The following KIF2C variants were observed in gnomAD, a reference collection of about 807,000 sequenced individuals.
KIF2C encodes kinesin-like protein KIF2C.
Under a neutral mutation model 97.4 loss-of-function variants are expected in KIF2C, and 34 were observed. The ratio of observed to expected loss-of-function variants is 0.35; its 90% confidence interval spans 0.27 to 0.46. The LOEUF is 0.46. Ranked by LOEUF, KIF2C falls within the 20% of genes least tolerant of loss-of-function variation. KIF2C has a pLI of 1.00. For missense variants in KIF2C, 750 were observed against 907.6 expected, an observed-to-expected ratio of 0.83 and a Z score of 2.23; for synonymous variants, 313 against 318.2, an observed-to-expected ratio of 0.98 and a Z score of 0.17.
At chr1:44,747,292 A>G (rs1164593083) in intron 2 of KIF2C, 92 bp from the exon 3 acceptor site, 13 of 1,052,560 alleles carry the variant, frequency 1.2e-5, no homozygotes, top group Non-Finnish European at 1.6e-5. Flanking sequence ...TGGGCGACAG[A>G]GCGATACTCT....
chr1:44,747,279 G>C, intron 2 of KIF2C, 105 bp from the exon 3 acceptor site: 1 of 928,212 alleles, frequency 1.1e-6, no homozygotes, highest in Non-Finnish European at 1.7e-6. Context: ...CTGCCCTCCA[G>C]CCTGGGCGAC....
chr1:44,747,669 C>T lies in KIF2C; in HGVS notation c.285C>T (p.Ser95=), dbSNP rs1181947563. ...TTTTTCAGAAACAAAAACGGAGATC[C>T]GTCAACTCCAAAATTCCTGCTCCAA... The part of the protein sequence containing the change: ...NVTIQKQKRR[S]VNSKIPAPKE... Residue 95 remains serine, a synonymous_variant, in exon 4 of 21, where the codon TCC becomes TCT. Transcript: ENST00000372224. The T allele has an allele frequency of 5.0e-6, 8 of 1,613,688 alleles. No individual in the cohort carries two copies. The highest frequency in any genetic ancestry group is 1.6e-4 in the Middle Eastern group (1 of 6,084).
chr1:44,764,493 TTTTGTTTGTTTG>T (rs763744086), intron 19 of KIF2C, among the ~76,000 whole-genome samples: 3 of 145,954 alleles, frequency 2.1e-5, no homozygotes, highest in South Asian at 2.2e-4. Context: ...TCTGGTTGGT[TTTTGTTTGTTTG>T]TTTGTTTGTT....
chr1:44,741,658 C>G lies in KIF2C; in HGVS notation c.165+651C>G, dbSNP rs766372193. On this transcript the variant is annotated intron_variant, in intron 2 of 20. Coordinates refer to ENST00000372224, the MANE Select transcript of KIF2C (RefSeq NM_006845.4). ...CATGATCGAGCCACTGCACTCTGGC[C>G]TGGGCGACAGAGTGAGACCTTTCCT... 2.8e-4 allele frequency among the ~76,000 whole-genome samples: 43 copies of G among 152,026 alleles called. 1 individual carries two copies. The highest frequency in any genetic ancestry group is 1.0e-4 in the Non-Finnish European group (7 of 68,004).
Position 44,739,925 on chromosome 1 carries a change from C to T in KIF2C, c.-8C>T. The T allele has an allele frequency of 1.2e-6, 2 of 1,613,716 alleles. No individual in the cohort carries two copies. Among genetic ancestry groups the T allele is most frequent in the Non-Finnish European group, 1.7e-6 (2 of 1,179,570 alleles). ...ATTGCGCGTTTCTCTTCCTTGCTGA[C>T]TCTCCGAATGGCCATGGACTCGTCG... On this transcript the variant is annotated 5_prime_UTR_variant, in exon 1 of 21. Coordinates refer to ENST00000372224, the MANE Select transcript of KIF2C (RefSeq NM_006845.4).
In KIF2C at chr1:44,739,996, A is replaced by G. The variant is rs1406654285; in HGVS notation, c.64A>G (p.Ser22Gly). ...CGGTCTCGCTATCAAGATCCAACGC[A>G]GTAATGGTGAGGAGCGGGGTCCCTA... ...FPGLAIKIQR[S>G]NGLIHSANVR... Residue 22 changes from serine (S) to glycine (G), a missense_variant, in exon 1 of 21, where the codon AGT becomes GGT. Ser to Gly is a moderately conservative substitution (Grantham distance 56). Transcript: ENST00000372224. 2 of 1,614,180 alleles carry G rather than the reference A, an allele frequency of 1.2e-6. No individual in the cohort carries two copies. Among genetic ancestry groups the G allele is most frequent in the Admixed American group, 3.3e-5 (2 of 60,020 alleles).
chr1:44,747,732 G>A, intron 4 of KIF2C, 32 bp downstream of exon 4: 2 of 1,593,604 alleles, frequency 1.3e-6, no homozygotes, highest in Non-Finnish European at 1.7e-6. Context: ...TACTATCATG[G>A]AATTTGTGTC....
At chr1:44,758,857 T>C (rs1649985584) in intron 13 of KIF2C, among the ~76,000 whole-genome samples, 1 of 151,970 alleles carries the variant, frequency 6.6e-6, no homozygotes, top group South Asian at 2.1e-4. Flanking sequence ...GCCTGGGCGA[T>C]ACGAGCGAAA....
At position 44,754,680 on chromosome 1, in the gene KIF2C, C is replaced by T; in HGVS notation, c.664-70C>T. 3.3e-6 allele frequency: 3 copies of T among 896,372 alleles called. No individual in the cohort carries two copies. In the South Asian group the frequency reaches 3.9e-5, roughly 12 times the overall value. 55.5% of individuals were successfully genotyped at this position (896,372 alleles called of 1,614,324 possible). A position where few individuals can be genotyped will look rare whatever the true frequency, so the allele number is the denominator to read the frequency against. ...GGTGGTGAGCAAAGAGCTGTTGCTG[C>T]TGCCGCATAGGGGTCTGAGAGCACT... On this transcript the variant is annotated intron_variant, in intron 7 of 20. Transcript: ENST00000372224.
chr1:44,745,526 TG>T (rs1309522529), intron 2 of KIF2C, among the ~76,000 whole-genome samples: 1 of 132,544 alleles, frequency 7.5e-6, no homozygotes, highest in Non-Finnish European at 1.5e-5. Flanking sequence ...CAGGCTGGAG[TG>T]TGATGGCGCT....
In KIF2C at chr1:44,754,793, T is replaced by C. The variant is rs77351914; in HGVS notation, c.707T>C (p.Ile236Thr). The C allele has an allele frequency of 4.3e-6, 7 of 1,613,734 alleles. No individual in the cohort carries two copies. In the East Asian group the frequency reaches 1.6e-4, roughly 36 times the overall value. The change falls in exon 8 of 21, where the codon ATT becomes ACT. Residue 236 changes from isoleucine to threonine, a missense_variant. Ile to Thr is a moderately conservative substitution (Grantham distance 89). Coordinates refer to ENST00000372224, the MANE Select transcript of KIF2C (RefSeq NM_006845.4). ...CCAAACTGGGAATTTGCCCGAATGATTAAAGAATTTCGGGCTACTTTGGAA... is the reference window on the plus strand; with the variant it reads ...CCAAACTGGGAATTTGCCCGAATGACTAAAGAATTTCGGGCTACTTTGGAA... ...SFPNWEFARM[I>T]KEFRATLECH...
In KIF2C at chr1:44,767,537, G is replaced by C. The variant is rs1650538329; in HGVS notation, c.*358G>C. On this transcript the variant is annotated 3_prime_UTR_variant, in exon 21 of 21. Coordinates refer to ENST00000372224, the MANE Select transcript of KIF2C (RefSeq NM_006845.4). ...GCTCCCTGGGGTTGTCCTGGCTCTG[G>C]GGAGAGAGACGGAGCCTTTAGTACA... is the stretch of plus-strand genomic sequence containing the variant. The C allele has an allele frequency of 4.3e-6, 1 of 234,060 alleles. No homozygotes were observed. The highest frequency in any genetic ancestry group is 5.7e-5 in the South Asian group (1 of 17,590). The allele number at this position is 234,060 out of a possible 1,614,324, so 14.5% of individuals were successfully genotyped here. A position where few individuals can be genotyped will look rare whatever the true frequency, so the allele number is the denominator to read the frequency against.
rs989152585 is a variant in KIF2C, at chr1:44,767,471, T to C, written c.*292T>C. On this transcript the variant is annotated 3_prime_UTR_variant, in exon 21 of 21. Transcript: ENST00000372224. ...GGAATGTTCTCAGCATAGAGCTTTC[T>C]CCGCAGCATCCTGCCTGCGTGGACT... The C allele has an allele frequency of 3.1e-6, 1 of 324,794 alleles. No homozygotes were observed. Among genetic ancestry groups the C allele is most frequent in the African/African-American group, 2.1e-5 (1 of 46,818 alleles). 20.1% of individuals were successfully genotyped at this position (324,794 alleles called of 1,614,324 possible). A position where few individuals can be genotyped will look rare whatever the true frequency, so the allele number is the denominator to read the frequency against.
chr1:44,759,255 G>C lies in KIF2C; in HGVS notation c.1274G>C (p.Gly425Ala). 6.2e-7 allele frequency: 1 copy of C among 1,614,174 alleles called. No homozygotes were observed. Residue 425 changes from glycine (G) to alanine (A), a missense_variant, in exon 14 of 21, where the codon GGC becomes GCC. By Grantham distance (60) the Gly-to-Ala change is moderately conservative. Transcript: ENST00000372224. Reference sequence around the variant, plus strand: ...GCCAAGCTGCGCGTGCTGGAGGACGGCAAGCAACAGGTGCAAGTGGTGGGG... The same window carrying C: ...GCCAAGCTGCGCGTGCTGGAGGACGCCAAGCAACAGGTGCAAGTGGTGGGG... The part of the protein sequence containing the change: ...KKAKLRVLED[G>A]KQQVQVVGLQ...
At chr1:44,741,379 CAAAA>C (rs764626810) in intron 2 of KIF2C, among the ~76,000 whole-genome samples, 2 of 58,490 alleles carry the variant, frequency 3.4e-5, no homozygotes, top group African/African-American at 6.3e-5. Flanking sequence ...GAATCTGTCT[CAAAA>C]AAAAAAAAAA....
Position 44,757,933 on chromosome 1 carries a change from A to G in KIF2C, c.1094A>G (p.Lys365Arg), listed in dbSNP as rs750532139. The G allele has an allele frequency of 2.5e-6, 4 of 1,614,198 alleles. No homozygotes were observed. Among genetic ancestry groups the G allele is most frequent in the African/African-American group, 2.7e-5 (2 of 75,058 alleles). Residue 365 changes from lysine (K) to arginine (R), a missense_variant, in exon 12 of 21, where the codon AAA (lysine) becomes AGA (arginine). By Grantham distance (26) the Lys-to-Arg change is conservative (BLOSUM62 2). Coordinates refer to ENST00000372224, the MANE Select transcript of KIF2C (RefSeq NM_006845.4). ...ACTATGGGCGGAGACCTCTCTGGGA[A>G]AGCCCAGAATGCATCCAAAGGGATC... ...THTMGGDLSG[K>R]AQNASKGIYA... is the part of the protein sequence containing the mutation.
At chr1:44,740,123 AC>A in intron 1 of KIF2C, 121 bp downstream of exon 1, 3 of 1,170,516 alleles carry the variant, frequency 2.6e-6, no homozygotes, top group Non-Finnish European at 2.6e-6. Flanking sequence ...TCCTTTTCAC[AC>A]GCACTCACTC....
intron 19 of KIF2C, among the ~76,000 whole-genome samples, chr1:44,764,177 C>A (rs60766209): frequency 0.19 from 29,448 of 151,606 alleles, 3,080 homozygotes; most frequent in Non-Finnish European, 0.22. Context: ...TACTCTCTCT[C>A]TATATATATA....
At chr1:44,767,032 C>A in intron 20 of KIF2C, 65 bp from the exon 21 acceptor site, 1 of 1,609,504 alleles carries the variant, frequency 6.2e-7, no homozygotes, top group Non-Finnish European at 8.5e-7. Flanking sequence ...GCAGCTCTGC[C>A]CTGAGTGAAT....
Sources: allele counts gnomAD v4.1 joint callset (sites outside exome capture counted in the v4.1 genomes callset), GRCh38; gene constraint gnomAD v4.1.1; transcripts MANE v1.5; gene names NCBI Gene and HGNC (gene_info 2026-07-23, HGNC 2026-07-21).